The following TCF3 variants were observed in gnomAD, a reference collection of about 807,000 sequenced individuals.
The protein encoded by TCF3 is transcription factor 3.
TCF3 carries 54 observed loss-of-function variants against 72.3 expected under a neutral mutation model. The ratio of observed to expected loss-of-function variants is 0.75; its 90% CI spans 0.60 to 0.94. The LOEUF is 0.94. TCF3 is among the 40% of genes least tolerant of loss of function. TCF3 has a pLI of 0.00. For synonymous variants in TCF3, 525 were observed against 412.6 expected, an observed-to-expected ratio of 1.27 and a Z score of -3.30; for missense variants, 1,078 against 934.4, an observed-to-expected ratio of 1.15 and a Z score of -2.00.
intron 3 of TCF3, among the ~76,000 whole-genome samples, chr19:1,642,314 A>G (rs964329177): frequency 1.3e-5 from 2 of 151,624 alleles, no homozygotes; most frequent in South Asian, 2.1e-4. Flanking sequence ...ACCCGCACGC[A>G]CACACAGACA....
intron 3 of TCF3, among the ~76,000 whole-genome samples, chr19:1,635,901 A>G (rs745612257): frequency 2.6e-5 from 4 of 152,208 alleles, no homozygotes; most frequent in Non-Finnish European, 5.9e-5. Flanking sequence ...TTTACTCGGG[A>G]GTAGGAGCGG....
chr19:1,627,389 C>G lies in TCF3; in HGVS notation c.336G>C (p.Gly112=), dbSNP rs755092926. ...TCAGGCCGCCCACGCCTGCGTCTCT[C>G]CCGAAGGAGGCATAGGCGCCCCGCT... is the stretch of plus-strand genomic sequence containing the variant. ...SGERGAYASF[G]RDAGVGGLTQ... The change falls in exon 6 of 19, where the codon GGG becomes GGC. Residue 112 remains glycine (G), a synonymous_variant. Transcript: ENST00000262965. The G allele has an allele frequency of 8.7e-6, 14 of 1,611,872 alleles. No homozygotes were observed. Among genetic ancestry groups the G allele is most frequent in the Non-Finnish European group, 8.5e-6 (10 of 1,179,686 alleles).
rs202169014 is a variant in TCF3, at chr19:1,611,157, G to GA, written c.*549dup. ...CCTTGCTAATTTTCATCTACATTAA[G>GA]AAAAAAAAAATCTTGTAACTAATGT... On this transcript the variant is annotated 3_prime_UTR_variant, in exon 19 of 19. Coordinates refer to ENST00000262965, the MANE Select transcript of TCF3 (RefSeq NM_003200.5). 2.0e-3 allele frequency: 446 copies of GA among 228,622 alleles called. No individual in the cohort carries two copies. Among genetic ancestry groups the GA allele is most frequent in the East Asian group, 2.7e-3 (42 of 15,630 alleles). The allele number at this position is 228,622 out of a possible 1,614,324, so 14.2% of individuals were successfully genotyped here.
intron 7 of TCF3, among the ~76,000 whole-genome samples, chr19:1,624,225 G>A (rs773364124): frequency 3.9e-5 from 6 of 152,236 alleles, no homozygotes; most frequent in East Asian, 1.9e-4. Flanking sequence ...GTGAAACCCC[G>A]TCTCTACTGA....
chr19:1,624,571 C>T (rs2062653805), intron 7 of TCF3, among the ~76,000 whole-genome samples: 1 of 152,206 alleles, frequency 6.6e-6, no homozygotes. Flanking sequence ...CACCCTCCTT[C>T]CAAGATGGCC....
At chr19:1,647,377 A>C (rs1488885241) in intron 2 of TCF3, among the ~76,000 whole-genome samples, 1 of 152,236 alleles carries the variant, frequency 6.6e-6, no homozygotes, top group African/African-American at 2.4e-5. Context: ...TCTGAGGAGC[A>C]GCCAAGATCC....
chr19:1,641,311 C>A (rs1447131165), intron 3 of TCF3, among the ~76,000 whole-genome samples: 1 of 151,974 alleles, frequency 6.6e-6, no homozygotes, highest in Non-Finnish European at 1.5e-5. Context: ...TCCATTTACA[C>A]AAAATACTCA....
At chr19:1,629,756 G>A (rs930328843) in intron 5 of TCF3, among the ~76,000 whole-genome samples, 5 of 152,324 alleles carry the variant, frequency 3.3e-5, no homozygotes, top group South Asian at 2.1e-4. Context: ...ACGCGCGATC[G>A]AGTAATGTAC....
intron 3 of TCF3, among the ~76,000 whole-genome samples, chr19:1,638,927 G>A (rs898621429): frequency 1.3e-5 from 2 of 152,184 alleles, no homozygotes; most frequent in African/African-American, 4.8e-5. Flanking sequence ...ACACGGTGCC[G>A]ACCAAAGACA....
rs1023391439 is a variant in TCF3 at position 1,615,525 on chromosome 19, G to A, written c.1587-5C>T. On this transcript the variant is annotated splice_region_variant and splice_polypyrimidine_tract_variant and intron_variant, in intron 17 of 18. Coordinates refer to ENST00000262965, the MANE Select transcript of TCF3 (RefSeq NM_003200.5). This position sits in a 1 kb window ranked among gnomAD's most constrained non-coding sequence, Gnocchi z 7.3. Reference sequence around the variant, plus strand: ...TCGTCCTCGTCCTCGTCTGGGCTATGGGGAGGGCGCCGGGAGGGGGCCAGA... The same window carrying A: ...TCGTCCTCGTCCTCGTCTGGGCTATAGGGAGGGCGCCGGGAGGGGGCCAGA... The A allele has an allele frequency of 6.2e-7, 1 of 1,606,722 alleles. No individual in the cohort carries two copies. Among genetic ancestry groups the A allele is most frequent in the Non-Finnish European group, 8.5e-7 (1 of 1,179,818 alleles).
In TCF3 at chr19:1,619,325, G is replaced by T; in HGVS notation, c.1317C>A (p.His439Gln). The change falls in exon 15 of 19, where the codon CAC becomes CAA. Residue 439 changes from histidine to glutamine, a missense_variant. Coordinates refer to ENST00000262965, the MANE Select transcript of TCF3 (RefSeq NM_003200.5). Reference sequence around the variant, plus strand: ...CTCGCCCAGCGCTCACCAGGCCTGCGTGCCGCCCGCCCAGTGACATGGGGC... The same window carrying T: ...CTCGCCCAGCGCTCACCAGGCCTGCTTGCCGCCCGCCCAGTGACATGGGGC... ...FTGPMSLGGR[H>Q]AGLVGGSHPE... 1 of 1,574,778 alleles carries T rather than the reference G, an allele frequency of 6.4e-7. No individual in the cohort carries two copies. The highest frequency in any genetic ancestry group is 8.6e-7 in the Non-Finnish European group (1 of 1,166,190).
intron 2 of TCF3, among the ~76,000 whole-genome samples, chr19:1,646,698 C>T (rs886299413): frequency 2.6e-5 from 4 of 152,220 alleles, no homozygotes; most frequent in African/African-American, 9.6e-5. Context: ...GGCAGAGTCC[C>T]TGCCGCTGAA....
intron 16 of TCF3, 110 bp downstream of exon 16, chr19:1,619,000 GC>G: frequency 1.3e-6 from 2 of 1,531,402 alleles, no homozygotes; most frequent in Non-Finnish European, 1.7e-6. Context: ...GTCACCAGGT[GC>G]CCCCACGGTG....
chr19:1,619,921 G>A, intron 13 of TCF3, 68 bp from the exon 14 acceptor site: 1 of 1,362,708 alleles, frequency 7.3e-7, no homozygotes, highest in Non-Finnish European at 1.0e-6. Flanking sequence ...ATGCCCATGG[G>A]GAGGGATTCA....
In TCF3 at chr19:1,621,116, C is replaced by T; in HGVS notation, c.1014+17G>A. ...TCAGGTCACTTGCCTGGCCACCCCCCATGCCCCACGCCTCACCGAGGCCAG... is the reference window on the plus strand; with the variant it reads ...TCAGGTCACTTGCCTGGCCACCCCCTATGCCCCACGCCTCACCGAGGCCAG... On this transcript the variant is annotated intron_variant, in intron 12 of 18. Transcript: ENST00000262965. 2 of 1,534,790 alleles carry T rather than the reference C, an allele frequency of 1.3e-6. No homozygotes were observed. The highest frequency in any genetic ancestry group is 1.8e-6 in the Non-Finnish European group (2 of 1,137,430).
Position 1,632,405 on chromosome 19 carries a change from C to T in TCF3, c.146G>A (p.Gly49Asp). Reference protein sequence around the residue: ...SLAGAQFGGSGLEDRPSSGSW... With the variant: ...SLAGAQFGGSDLEDRPSSGSW... The stretch of plus-strand genomic sequence containing the variant: ...GCCTGAGCTGGGCCGGTCCTCAAGA[C>T]CTGCAGGCAGGACAGAGAGAGTTAT... Residue 49 changes from glycine (G) to aspartate (D), a missense_variant and splice_region_variant, in exon 4 of 19, where the codon GGT (glycine) becomes GAT (aspartate). By Grantham distance (94) the Gly-to-Asp change is moderately conservative. Transcript: ENST00000262965. The T allele has an allele frequency of 6.3e-7, 1 of 1,591,588 alleles. No individual in the cohort carries two copies. The highest frequency in any genetic ancestry group is 8.6e-7 in the Non-Finnish European group (1 of 1,169,394).
intron 12 of TCF3, 32 bp from the exon 13 acceptor site, chr19:1,621,078 A>G: frequency 6.6e-7 from 1 of 1,518,814 alleles, no homozygotes; most frequent in Non-Finnish European, 8.9e-7. Flanking sequence ...ATGGGCGGTC[A>G]GGGGCCGGCC....
Position 1,632,035 on chromosome 19 carries a change from C to T in TCF3, c.298+3G>A. 2.5e-6 allele frequency: 4 copies of T among 1,612,548 alleles called. No individual in the cohort carries two copies. In the African/African-American group the frequency reaches 4.0e-5, roughly 16 times the overall value. ...GAGGGACCGCACCAGGCCAGGCACT[C>T]ACCTCCGAGTCCCGGTCCCAGGAAT... On this transcript the variant is annotated splice_donor_region_variant and intron_variant, in intron 5 of 18. Coordinates refer to ENST00000262965, the MANE Select transcript of TCF3 (RefSeq NM_003200.5).
chr19:1,633,677 G>C (rs1176494499), intron 3 of TCF3, among the ~76,000 whole-genome samples: 2 of 152,160 alleles, frequency 1.3e-5, no homozygotes, highest in Non-Finnish European at 2.9e-5. Context: ...ATGTGATTAT[G>C]AGTGGGGGGC....
Sources: gnomAD v4.1 joint callset for allele counts (sites outside exome capture counted in the v4.1 genomes callset) on GRCh38, gnomAD v4.1.1 for gene constraint, Gnocchi (gnomAD v3.1) non-coding constraint, MANE v1.5 for transcripts, NCBI Gene and HGNC (gene_info 2026-07-23, HGNC 2026-07-21) for gene names.